The following CDC42SE2 variants were observed in gnomAD, a reference collection of about 807,000 sequenced individuals.
The protein encoded by CDC42SE2 is CDC42 small effector protein 2.
CDC42SE2 carries 3 observed loss-of-function variants against 11.5 expected under a neutral mutation model. The observed-to-expected ratio is 0.26, with a 90% CI of 0.12 to 0.67. The LOEUF is 0.67. Ranked by LOEUF, CDC42SE2 falls within the 30% of genes least tolerant of loss-of-function variation. The pLI is 0.80. For missense variants in CDC42SE2, 82 were observed against 106.8 expected, an observed-to-expected ratio of 0.77 and a Z score of 1.02; for synonymous variants, 33 against 34.8, an observed-to-expected ratio of 0.95 and a Z score of 0.18.
chr5:131,278,100 C>T (rs1757141230), intron 1 of CDC42SE2, among the ~76,000 whole-genome samples: 1 of 152,100 alleles, frequency 6.6e-6, no homozygotes, highest in South Asian at 2.1e-4. Context: ...ATTCTTGTGC[C>T]TCAGCCACCC....
chr5:131,219,716 C>T, the CDC42SE2 span, among the ~76,000 whole-genome samples: 2 of 152,138 alleles, frequency 1.3e-5, no homozygotes, highest in African/African-American at 4.8e-5. Flanking sequence ...ACAGCCAAAT[C>T]GCTTGAGCTC....
At chr5:131,251,336 T>C (rs1488270435) in intron 1 of CDC42SE2, among the ~76,000 whole-genome samples, 1 of 151,220 alleles carries the variant, frequency 6.6e-6, no homozygotes, top group Non-Finnish European at 1.5e-5. Context: ...GTGGAGATAA[T>C]TCTTTTTACT....
chr5:131,323,158 C>T (rs974387289), intron 2 of CDC42SE2, among the ~76,000 whole-genome samples: 2 of 151,096 alleles, frequency 1.3e-5, no homozygotes, highest in Non-Finnish European at 2.9e-5. Context: ...CTCCAGGTAG[C>T]TGGGACCACA....
At chr5:131,312,968 C>A (rs1231217571) in intron 1 of CDC42SE2, among the ~76,000 whole-genome samples, 1 of 151,808 alleles carries the variant, frequency 6.6e-6, no homozygotes, top group South Asian at 2.1e-4. Context: ...CTCCTCCTCC[C>A]TTTTCTTTTT....
chr5:131,268,124 G>T (rs1410845315), intron 1 of CDC42SE2, among the ~76,000 whole-genome samples: 1 of 137,760 alleles, frequency 7.3e-6, no homozygotes, highest in Non-Finnish European at 1.5e-5. Context: ...GTGCAATGGC[G>T]CAATCTCGGC....
At chr5:131,250,322 C>A (rs548588972) in intron 1 of CDC42SE2, among the ~76,000 whole-genome samples, 1 of 152,236 alleles carries the variant, frequency 6.6e-6, no homozygotes, top group African/African-American at 2.4e-5. Flanking sequence ...ACAGAGACAG[C>A]AACAATGTGA....
intron 2 of CDC42SE2, among the ~76,000 whole-genome samples, chr5:131,355,120 A>C (rs1298607560): frequency 6.6e-6 from 1 of 152,200 alleles, no homozygotes; most frequent in Non-Finnish European, 1.5e-5. Flanking sequence ...TGAAATCTAC[A>C]TTACTTCTGG....
intron 2 of CDC42SE2, among the ~76,000 whole-genome samples, chr5:131,345,542 C>T (rs552561681): frequency 1.1e-4 from 17 of 152,214 alleles, no homozygotes; most frequent in South Asian, 8.3e-4. Flanking sequence ...CTGAAAGTGA[C>T]GGGGAGAATG....
intron 2 of CDC42SE2, among the ~76,000 whole-genome samples, chr5:131,324,443 C>A (rs1456734001): frequency 2.0e-5 from 3 of 151,988 alleles, no homozygotes; most frequent in Non-Finnish European, 4.4e-5. Flanking sequence ...ATAATGAAAT[C>A]CTTTATATCC....
intron 1 of CDC42SE2, among the ~76,000 whole-genome samples, chr5:131,310,796 G>A (rs1757890025): frequency 6.6e-6 from 1 of 151,758 alleles, no homozygotes; most frequent in South Asian, 2.1e-4. Context: ...CATTTGTTTG[G>A]TAGAGCTTCC....
chr5:131,369,612 G>T (rs539623137), intron 3 of CDC42SE2, among the ~76,000 whole-genome samples: 28 of 152,258 alleles, frequency 1.8e-4, no homozygotes, highest in African/African-American at 6.5e-4. Context: ...ATCATTGGGG[G>T]AAGAATGTAG....
At chr5:131,304,533 G>A (rs1757744394) in intron 1 of CDC42SE2, among the ~76,000 whole-genome samples, 1 of 152,130 alleles carries the variant, frequency 6.6e-6, no homozygotes, top group Non-Finnish European at 1.5e-5. Context: ...ATAGTAAAAT[G>A]TCTTTTTGGT....
rs71000981 is a variant in CDC42SE2 at position 131,246,761 on chromosome 5, C to CTT, written n.107+1179_107+1180dup. On this transcript the variant is annotated intron_variant and non_coding_transcript_variant, in intron 1 of 3. Coordinates refer to the CDC42SE2 transcript ENST00000502840. ...CATACCTATATTTTTCACTCAAATC[C>CTT]TTTTTTTTTTTTTTTTTTGAGACAG... Among the ~76,000 whole-genome samples, 1,215 of 124,408 alleles carry CTT rather than the reference C, an allele frequency of 9.8e-3. 27 individuals are homozygous for CTT. Among genetic ancestry groups the CTT allele is most frequent in the African/African-American group, 0.017 (566 of 33,152 alleles). The allele number at this position is 124,408 out of a possible 152,430, so 81.6% of individuals were successfully genotyped here.
chr5:131,294,894 G>A (rs1032338334), intron 1 of CDC42SE2, among the ~76,000 whole-genome samples: 4 of 152,150 alleles, frequency 2.6e-5, no homozygotes, highest in South Asian at 2.1e-4. Flanking sequence ...TTGGGAGGCC[G>A]AGGTGGGCGG....
chr5:131,276,258 G>C (rs903717094), intron 1 of CDC42SE2, among the ~76,000 whole-genome samples: 8 of 141,478 alleles, frequency 5.7e-5, no homozygotes, highest in Non-Finnish European at 1.2e-4. Flanking sequence ...ACCAGTCTGG[G>C]CAACGAGGCG....
intron 2 of CDC42SE2, among the ~76,000 whole-genome samples, chr5:131,347,781 C>T (rs984213969): frequency 6.6e-6 from 1 of 152,132 alleles, no homozygotes; most frequent in African/African-American, 2.4e-5. Context: ...TCCAGCAGCA[C>T]CTCAAAAAGC....
the CDC42SE2 span, among the ~76,000 whole-genome samples, chr5:131,212,879 A>C: frequency 1.3e-5 from 2 of 152,152 alleles, no homozygotes; most frequent in Non-Finnish European, 2.9e-5. Context: ...ATGATAGACC[A>C]GCACATTGTA....
intron 1 of CDC42SE2, among the ~76,000 whole-genome samples, chr5:131,312,675 AG>A (rs1757949627): frequency 6.6e-6 from 1 of 152,136 alleles, no homozygotes; most frequent in Admixed American, 6.5e-5. Flanking sequence ...GGAAAAGCAC[AG>A]TATTTGGGTG....
the CDC42SE2 span, among the ~76,000 whole-genome samples, chr5:131,233,420 T>G: frequency 6.6e-6 from 1 of 152,148 alleles, no homozygotes; most frequent in East Asian, 1.9e-4. Flanking sequence ...CAGGCAGGAG[T>G]GCAGTGATGC....
Sources: allele counts gnomAD v4.1 joint callset (sites outside exome capture counted in the v4.1 genomes callset), GRCh38; gene constraint gnomAD v4.1.1; transcripts MANE v1.5; gene names NCBI Gene and HGNC (gene_info 2026-07-23, HGNC 2026-07-21).